AGBL1: variants seen among roughly 807,000 people sequenced by gnomAD.
The protein encoded by AGBL1 is AGBL carboxypeptidase 1.
In AGBL1, 130 loss-of-function variants were observed where a neutral mutation model predicts 118.9. That is an observed-to-expected ratio of 1.09 (90% CI 0.95 to 1.26). AGBL1 has a LOEUF of 1.26. AGBL1 is among the 50% of genes most tolerant of loss of function. The probability of loss-of-function intolerance (pLI) is 0.00; values close to 1 mark genes in which losing one functional copy is unlikely to be tolerated. For missense variants in AGBL1, 1,584 were observed against 1,298.1 expected (o/e 1.22, Z -3.38); for synonymous variants, 555 against 478.9 (o/e 1.16, Z -2.08).
intron 23 of AGBL1, among the ~76,000 whole-genome samples, chr15:86,979,336 T>C (rs181224786): frequency 2.0e-5 from 3 of 152,260 alleles, no homozygotes; most frequent in Admixed American, 2.0e-4. Flanking sequence ...TATCCACAAT[T>C]ATAATGCACA....
At chr15:86,956,619 T>A (rs934539859) in intron 23 of AGBL1, among the ~76,000 whole-genome samples, 3 of 152,214 alleles carry the variant, frequency 2.0e-5, no homozygotes, top group Non-Finnish European at 4.4e-5. Context: ...TGGAGAGTGA[T>A]CTGTTTTACT....
chr15:86,502,512 A>T (rs778844868), intron 18 of AGBL1, among the ~76,000 whole-genome samples: 4 of 151,520 alleles, frequency 2.6e-5, no homozygotes, highest in Non-Finnish European at 3.0e-5. Flanking sequence ...GCTCATTCCA[A>T]ATCTTGGCAG....
intron 5 of AGBL1, among the ~76,000 whole-genome samples, chr15:86,182,374 T>G (rs1304281090): frequency 2.0e-5 from 3 of 152,038 alleles, no homozygotes; most frequent in African/African-American, 7.2e-5. Flanking sequence ...ACCTGAATAA[T>G]TCAATTTTCT....
intron 23 of AGBL1, among the ~76,000 whole-genome samples, chr15:86,984,075 G>T (rs551941683): frequency 6.6e-6 from 1 of 152,230 alleles, no homozygotes; most frequent in African/African-American, 2.4e-5. Context: ...GGGTTGTATG[G>T]TAAGTCCTAT....
chr15:86,230,831 T>A (rs2078443706), intron 6 of AGBL1, among the ~76,000 whole-genome samples: 1 of 152,208 alleles, frequency 6.6e-6, no homozygotes, highest in African/African-American at 2.4e-5. Flanking sequence ...CACATGCAGT[T>A]TTTGAGTAGA....
At chr15:86,846,616 C>T (rs867922153) in intron 22 of AGBL1, among the ~76,000 whole-genome samples, 9 of 152,188 alleles carry the variant, frequency 5.9e-5, no homozygotes, top group Admixed American at 3.9e-4. Context: ...ACTGCAACCT[C>T]TGCCTCCCGG....
intron 1 of AGBL1, among the ~76,000 whole-genome samples, chr15:86,134,724 C>T (rs1394954096): frequency 6.8e-6 from 1 of 148,068 alleles, no homozygotes; most frequent in Non-Finnish European, 1.5e-5. Context: ...AACGACTCTT[C>T]TGCCTCAGCC....
chr15:86,986,176 G>A (rs995630244), intron 23 of AGBL1, among the ~76,000 whole-genome samples: 4 of 152,046 alleles, frequency 2.6e-5, no homozygotes, highest in South Asian at 2.1e-4. Context: ...CACCCGCCTC[G>A]GCCTCCCAAA....
chr15:86,889,869 T>G (rs2080025996), intron 22 of AGBL1, among the ~76,000 whole-genome samples: 1 of 152,220 alleles, frequency 6.6e-6, no homozygotes, highest in African/African-American at 2.4e-5. Flanking sequence ...TATGCATGTA[T>G]CTTTGTAATA....
chr15:86,728,378 A>G (rs929806060), intron 22 of AGBL1, among the ~76,000 whole-genome samples: 1 of 152,178 alleles, frequency 6.6e-6, no homozygotes, highest in Admixed American at 6.5e-5. Context: ...AAGAAATTCT[A>G]TTCATAAAAG....
intron 5 of AGBL1, among the ~76,000 whole-genome samples, chr15:86,189,981 A>G (rs1567114568): frequency 6.6e-6 from 1 of 152,194 alleles, no homozygotes; most frequent in South Asian, 2.1e-4. Context: ...AGTTTTGCCT[A>G]CATAAAAGAA....
rs1043214432 is a variant in AGBL1 at position 86,914,996 on chromosome 15, C to A, written c.*7702C>A. ...TCCAAATTCCTAAACTTGATTATGCCGATAGTAAACCGGCGTTGTTTGATT... is the reference window on the plus strand; with the variant it reads ...TCCAAATTCCTAAACTTGATTATGCAGATAGTAAACCGGCGTTGTTTGATT... On this transcript the variant is annotated 3_prime_UTR_variant, in exon 23 of 23. Transcript: ENST00000614907. The A allele has an allele frequency of 6.6e-6, 1 of 152,132 alleles. No homozygotes were observed. The highest frequency in any genetic ancestry group is 2.4e-5 in the African/African-American group (1 of 41,408). The allele number at this position is 152,132 out of a possible 1,614,324, so 9.4% of individuals were successfully genotyped here.
chr15:86,774,544 A>C (rs907957258), intron 22 of AGBL1, among the ~76,000 whole-genome samples: 6 of 152,066 alleles, frequency 3.9e-5, no homozygotes, highest in African/African-American at 1.4e-4. Context: ...ATAAATCAAT[A>C]AAGTAATTTC....
chr15:86,745,486 G>C (rs956580758), intron 22 of AGBL1, among the ~76,000 whole-genome samples: 2 of 151,986 alleles, frequency 1.3e-5, no homozygotes, highest in Admixed American at 1.3e-4. Context: ...CAGAGAACTG[G>C]GAACTACTGC....
At chr15:86,936,919 A>T (rs914753909) in intron 23 of AGBL1, among the ~76,000 whole-genome samples, 1 of 152,242 alleles carries the variant, frequency 6.6e-6, no homozygotes, top group Non-Finnish European at 1.5e-5. Flanking sequence ...CAAAGGTCTC[A>T]TATCCAGCAT....
At position 86,396,418 on chromosome 15, in the gene AGBL1, A is replaced by G. The variant is rs192051004; in HGVS notation, c.2375-948A>G. On this transcript the variant is annotated intron_variant, in intron 17 of 22. Transcript: ENST00000614907. ...TTCCCTCATCAGCACATTCTCCATA[A>G]AGACTGTTCATGTCAATACACTACC... 3.3e-3 allele frequency among the ~76,000 whole-genome samples: 499 copies of G among 152,024 alleles called. 3 individuals are homozygous for G. Among genetic ancestry groups the G allele is most frequent in the African/African-American group, 0.011 (476 of 41,484 alleles).
In AGBL1 at chr15:86,264,586, C is replaced by T. The variant is rs754436971; in HGVS notation, c.1415C>T (p.Ala472Val). 1 of 1,613,914 alleles carries T rather than the reference C, an allele frequency of 6.2e-7. No individual in the cohort carries two copies. The highest frequency in any genetic ancestry group is 1.7e-5 in the Admixed American group (1 of 60,020). Reference protein sequence around the residue: ...SPKADAWDVDAIFCPRMSASF... With the variant: ...SPKADAWDVDVIFCPRMSASF... ...AAAGCAGATGCCTGGGACGTAGATG[C>T]AATTTTCTGCCCAAGGATGAGTGCC... is the stretch of plus-strand genomic sequence containing the variant. The change falls in exon 11 of 23, where the codon GCA (alanine) becomes GTA (valine). Residue 472 changes from alanine (A) to valine (V), a missense_variant. Transcript: ENST00000614907.
intron 21 of AGBL1, among the ~76,000 whole-genome samples, chr15:86,673,006 C>A (rs1337397315): frequency 6.6e-6 from 1 of 152,080 alleles, no homozygotes; most frequent in African/African-American, 2.4e-5. Flanking sequence ...ATGAGCAATC[C>A]TTCTGCATTC....
chr15:86,942,451 G>T (rs1229645229), intron 23 of AGBL1, among the ~76,000 whole-genome samples: 2 of 152,178 alleles, frequency 1.3e-5, no homozygotes, highest in African/African-American at 4.8e-5. Flanking sequence ...TTCTGAACTT[G>T]TGGCTTCTTA....
Sources: gnomAD v4.1 joint callset for allele counts (sites outside exome capture counted in the v4.1 genomes callset) on GRCh38, gnomAD v4.1.1 for gene constraint, MANE v1.5 for transcripts, NCBI Gene and HGNC (gene_info 2026-07-23, HGNC 2026-07-21) for gene names.